The following MAP3K12 variants were observed in gnomAD, a reference collection of about 807,000 sequenced individuals.
The protein encoded by MAP3K12 is MAPK-upstream kinase.
MAP3K12 carries 14 observed loss-of-function variants against 87.5 expected under a neutral mutation model. That is an observed-to-expected ratio of 0.16 (90% CI 0.11 to 0.25). The LOEUF is 0.25. Ranked by LOEUF, MAP3K12 falls within the 10% of genes least tolerant of loss-of-function variation. The pLI, the probability that MAP3K12 is intolerant of heterozygous loss-of-function variation, is 1.00. For synonymous variants in MAP3K12, 469 were observed against 452.5 expected (o/e 1.04, Z -0.46); for missense variants, 802 against 1,140.4 (o/e 0.70, Z 4.27).
At chr12:53,482,455 G>GAA (rs1943087703) in intron 11 of MAP3K12, 86 bp from the exon 12 acceptor site, 1 of 1,605,574 alleles carries the variant, frequency 6.2e-7, no homozygotes, top group African/African-American at 1.3e-5. Context: ...TAGTTACGAA[G>GAA]GGTGAAGTAG....
At chr12:53,495,529 G>A (rs536277346) in intron 1 of MAP3K12, among the ~76,000 whole-genome samples, 36 of 110,178 alleles carry the variant, frequency 3.3e-4, no homozygotes, top group African/African-American at 1.2e-3. Context: ...GCAACAGAGC[G>A]AGACTCCATC....
intron 1 of MAP3K12, among the ~76,000 whole-genome samples, chr12:53,494,297 TC>T (rs1207381677): frequency 1.3e-5 from 2 of 152,244 alleles, no homozygotes; most frequent in East Asian, 3.8e-4. Context: ...GTCAACCATA[TC>T]TACCAAGTGT....
chr12:53,483,396 A>G lies in MAP3K12; in HGVS notation c.1566T>C (p.Leu522=). The stretch of plus-strand genomic sequence containing the variant: ...TCTGTGGCACATTCCTCTTCTTGAT[A>G]AGCTTCTCCATTGTGTTTCCATGCA... ...GLLHGNTMEK[L]IKKRNVPQKL... is the part of the protein sequence containing the mutation. The change falls in exon 10 of 14, where the codon CTT becomes CTC. Residue 522 remains leucine, a synonymous_variant. Coordinates refer to ENST00000547488, the MANE Select transcript of MAP3K12 (RefSeq NM_001193511.2). 2.5e-6 allele frequency: 4 copies of G among 1,614,022 alleles called. No homozygotes were observed. The highest frequency in any genetic ancestry group is 3.4e-6 in the Non-Finnish European group (4 of 1,179,988).
intron 1 of MAP3K12, among the ~76,000 whole-genome samples, chr12:53,498,249 C>T (rs1412129132): frequency 1.3e-5 from 2 of 152,174 alleles, no homozygotes; most frequent in Non-Finnish European, 2.9e-5. Context: ...CACTTGAGTC[C>T]TATCCTTCCT....
intron 6 of MAP3K12, 43 bp from the exon 7 acceptor site, chr12:53,484,408 G>A: frequency 1.4e-6 from 2 of 1,470,016 alleles, no homozygotes; most frequent in South Asian, 1.1e-5. Context: ...GAATTTGAGG[G>A]AGGATCAGAT....
chr12:53,491,301 A>AAAAAAAAAAAAAGAAAAAG lies in MAP3K12; in HGVS notation c.-37-3874_-37-3873insCTTTTTCTTTTTTTTTTTT, dbSNP rs796169121. 1.6e-3 allele frequency among the ~76,000 whole-genome samples: 166 copies of AAAAAAAAAAAAAGAAAAAG among 101,558 alleles called. 1 individual carries two copies. The highest frequency in any genetic ancestry group is 2.3e-3 in the Non-Finnish European group (122 of 52,278). 66.6% of individuals were successfully genotyped at this position (101,558 alleles called of 152,430 possible). On this transcript the variant is annotated intron_variant, in intron 1 of 13. Transcript: ENST00000547488. Reference sequence around the variant, plus strand: ...AGACTCTGTCTCAAAAAAAAAAAAAAAAAAGAAAAGAAAAGAAAAACAGGC... The same window carrying AAAAAAAAAAAAAGAAAAAG: ...AGACTCTGTCTCAAAAAAAAAAAAAAAAAAAAAAAAAAGAAAAAGAAAAGAAAAGAAAAGAAAAACAGGC...
At chr12:53,491,825 G>C (rs1401258348) in intron 1 of MAP3K12, among the ~76,000 whole-genome samples, 2 of 151,450 alleles carry the variant, frequency 1.3e-5, no homozygotes, top group African/African-American at 4.8e-5. Flanking sequence ...TGTAATCCCA[G>C]CACTCTGGGA....
At chr12:53,483,239 C>A in intron 10 of MAP3K12, 50 bp from the exon 11 acceptor site, 2 of 1,545,874 alleles carry the variant, frequency 1.3e-6, no homozygotes, top group South Asian at 2.5e-5. Flanking sequence ...TCTATGTACT[C>A]AAAGCACTCC....
Position 53,483,848 on chromosome 12 carries a change from G to A in MAP3K12, c.1358+63C>T. 4.3e-6 allele frequency: 7 copies of A among 1,609,958 alleles called. No individual in the cohort carries two copies. The South Asian group carries it at 6.6e-5, about 15-fold the overall frequency. ...TTCCACCCGCCCTGGGGCTGGGTAG[G>A]AGCTGACTGGGTGCATAGTCCTTGC... On this transcript the variant is annotated intron_variant, in intron 8 of 13. Coordinates refer to ENST00000547488, the MANE Select transcript of MAP3K12 (RefSeq NM_001193511.2).
intron 7 of MAP3K12, 32 bp from the exon 8 acceptor site, chr12:53,484,052 C>G: frequency 6.3e-7 from 1 of 1,597,730 alleles, no homozygotes; most frequent in East Asian, 2.2e-5. Context: ...AGAGTGAGAG[C>G]CATCCCTTCA....
At chr12:53,490,164 C>T (rs185141516) in intron 1 of MAP3K12, among the ~76,000 whole-genome samples, 3 of 152,084 alleles carry the variant, frequency 2.0e-5, no homozygotes, top group East Asian at 1.9e-4. Flanking sequence ...ATTAGCCGGC[C>T]GTGGTGGTGG....
intron 13 of MAP3K12, chr12:53,481,617 G>A (rs61928104): frequency 0.019 from 6,569 of 337,512 alleles, 106 homozygotes; most frequent in Non-Finnish European, 0.028. Flanking sequence ...CAAAGTTCTG[G>A]GATTCCAGGC....
intron 1 of MAP3K12, among the ~76,000 whole-genome samples, chr12:53,489,079 C>CAA (rs925604046): frequency 4.6e-3 from 214 of 46,074 alleles, no homozygotes; most frequent in African/African-American, 0.013. Context: ...AACTCTGTCT[C>CAA]AAAAAAAAAA....
upstream of MAP3K12, chr12:53,500,678 A>C (rs997010516): frequency 1.3e-5 from 2 of 152,594 alleles, no homozygotes; most frequent in African/African-American, 4.8e-5. Context: ...GGAAACAGAG[A>C]TCGGTCCCCT....
chr12:53,495,922 G>T (rs930188937), intron 1 of MAP3K12, among the ~76,000 whole-genome samples: 1 of 152,192 alleles, frequency 6.6e-6, no homozygotes, highest in Admixed American at 6.5e-5. Context: ...GTTCAGGGAA[G>T]GGAGGGACAG....
chr12:53,496,069 G>A (rs1320026470), intron 1 of MAP3K12, among the ~76,000 whole-genome samples: 2 of 152,196 alleles, frequency 1.3e-5, no homozygotes, highest in African/African-American at 4.8e-5. Context: ...TGAAGGTTAA[G>A]TAGGGTGATA....
intron 1 of MAP3K12, among the ~76,000 whole-genome samples, chr12:53,493,470 G>A (rs1943471827): frequency 6.6e-6 from 1 of 152,152 alleles, no homozygotes; most frequent in Non-Finnish European, 1.5e-5. Flanking sequence ...GAGAAAGGGA[G>A]ACAGGGCACA....
chr12:53,491,337 T>C (rs1943398155), intron 1 of MAP3K12, among the ~76,000 whole-genome samples: 1 of 146,816 alleles, frequency 6.8e-6, no homozygotes. Flanking sequence ...TTACTAAGTA[T>C]GTTAGCTTCT....
At chr12:53,485,241 C>T in intron 5 of MAP3K12, 27 bp from the exon 6 acceptor site, 3 of 1,602,556 alleles carry the variant, frequency 1.9e-6, no homozygotes, top group Non-Finnish European at 1.7e-6. Flanking sequence ...ATCACTTGTG[C>T]TCAAGCCCTA....
Sources: gnomAD v4.1 joint callset for allele counts (sites outside exome capture counted in the v4.1 genomes callset) on GRCh38, gnomAD v4.1.1 for gene constraint, MANE v1.5 for transcripts, NCBI Gene and HGNC (gene_info 2026-07-23, HGNC 2026-07-21) for gene names.